Variants in CDH4 observed in about 807,000 individuals in gnomAD.
CDH4 encodes cadherin-4.
CDH4 carries 33 observed loss-of-function variants against 86.0 expected under a neutral mutation model. The ratio of observed to expected loss-of-function variants is 0.38; its 90% confidence interval spans 0.29 to 0.51. The LOEUF (loss-of-function observed/expected upper bound fraction) is 0.51. CDH4 is among the 20% of genes least tolerant of loss of function. The pLI is 0.86. For missense variants in CDH4, 1,114 were observed against 1,307.4 expected, an observed-to-expected ratio of 0.85 and a Z score of 2.28; for synonymous variants, 555 against 549.4, an observed-to-expected ratio of 1.01 and a Z score of -0.14.
intron 14 of CDH4, among the ~76,000 whole-genome samples, 153 bp downstream of exon 14, chr20:61,933,277 G>A (rs1202950820): frequency 1.3e-5 from 2 of 152,246 alleles, no homozygotes; most frequent in Non-Finnish European, 2.9e-5. Flanking sequence ...TTCCTAGCCT[G>A]GGCTGAGCTG....
At chr20:61,682,017 G>A (rs556082095) in intron 2 of CDH4, among the ~76,000 whole-genome samples, 3 of 152,338 alleles carry the variant, frequency 2.0e-5, no homozygotes, top group South Asian at 2.1e-4. Context: ...TGGCTTCAGT[G>A]CTAGCAGTTG....
At chr20:61,589,590 G>A (rs755938488) in intron 2 of CDH4, among the ~76,000 whole-genome samples, 1 of 152,134 alleles carries the variant, frequency 6.6e-6, no homozygotes, top group Non-Finnish European at 1.5e-5. Context: ...CCTTCACTCT[G>A]TGTTTGCTGA....
intron 2 of CDH4, among the ~76,000 whole-genome samples, chr20:61,413,878 A>C (rs2085133222): frequency 6.6e-6 from 1 of 152,198 alleles, no homozygotes; most frequent in South Asian, 2.1e-4. Context: ...AAAGACCCAC[A>C]GGCTGGGCAG....
intron 2 of CDH4, among the ~76,000 whole-genome samples, chr20:61,539,475 G>T (rs2086023134): frequency 6.6e-6 from 1 of 152,200 alleles, no homozygotes; most frequent in South Asian, 2.1e-4. Flanking sequence ...AGTCGTCCCT[G>T]TGTGTGTGTC....
chr20:61,299,829 G>T (rs1164217947), intron 2 of CDH4, among the ~76,000 whole-genome samples: 1 of 152,168 alleles, frequency 6.6e-6, no homozygotes, highest in Non-Finnish European at 1.5e-5. Context: ...GGCTATAAAA[G>T]TGTTAGGGCC....
intron 2 of CDH4, among the ~76,000 whole-genome samples, chr20:61,586,631 C>G (rs1391769815): frequency 6.6e-6 from 1 of 152,120 alleles, no homozygotes; most frequent in South Asian, 2.1e-4. Flanking sequence ...CTTTTGTAGA[C>G]AAAAAACTTG....
At chr20:61,696,981 A>G (rs1026291593) in intron 2 of CDH4, among the ~76,000 whole-genome samples, 2 of 152,194 alleles carry the variant, frequency 1.3e-5, no homozygotes, top group Admixed American at 6.5e-5. Context: ...TGCAGCCACA[A>G]GTAAGGAATG....
At chr20:61,924,221 CAG>C in intron 10 of CDH4, 111 bp from the exon 11 acceptor site, 1 of 1,091,014 alleles carries the variant, frequency 9.2e-7, no homozygotes, top group Non-Finnish European at 1.3e-6. Flanking sequence ...TCCAAGGAGA[CAG>C]AGACACTGGC....
chr20:61,409,803 T>G (rs890204844), intron 2 of CDH4, among the ~76,000 whole-genome samples: 2 of 152,262 alleles, frequency 1.3e-5, no homozygotes, highest in Admixed American at 6.5e-5. Flanking sequence ...CAAAGAAATA[T>G]GACAATAGGT....
Position 61,900,326 on chromosome 20 carries a change from GTGCAAGCCTCGGCCGCACA to G in CDH4, c.1188+5280_1188+5298del, listed in dbSNP as rs1985334828. 2.1e-4 allele frequency among the ~76,000 whole-genome samples: 3 copies of G among 14,578 alleles called. No homozygotes were observed. In the Non-Finnish European group the frequency reaches 3.0e-3, roughly 15 times the overall value. 9.6% of individuals were successfully genotyped at this position (14,578 alleles called of 152,430 possible). On this transcript the variant is annotated intron_variant, in intron 8 of 15. Transcript: ENST00000614565. ...GCCCTTAATTACGCTTGGGTGCACA[GTGCAAGCCTCGGCCGCACA>G]GTGCAAGCCTCGGCCATAAATCATT...
At chr20:61,358,050 G>A (rs189209984) in intron 2 of CDH4, among the ~76,000 whole-genome samples, 66 of 152,272 alleles carry the variant, frequency 4.3e-4, no homozygotes, top group East Asian at 1.4e-3. Flanking sequence ...GCAGTAGTGC[G>A]CTCCTTCCCT....
At chr20:61,648,116 G>A (rs886185158) in intron 2 of CDH4, among the ~76,000 whole-genome samples, 5 of 152,222 alleles carry the variant, frequency 3.3e-5, no homozygotes, top group Admixed American at 2.0e-4. Context: ...TCAGAGGAGC[G>A]CAGGTGCAGA....
chr20:61,683,493 G>T (rs974852694), intron 2 of CDH4, among the ~76,000 whole-genome samples: 7 of 152,192 alleles, frequency 4.6e-5, no homozygotes, highest in African/African-American at 1.7e-4. Context: ...GGTGCCCCGG[G>T]AGTGCGGCCC....
intron 2 of CDH4, among the ~76,000 whole-genome samples, chr20:61,585,890 G>A (rs1383955988): frequency 1.3e-5 from 2 of 151,788 alleles, no homozygotes; most frequent in Non-Finnish European, 2.9e-5. Flanking sequence ...TGATTATGAT[G>A]GTGATGGTGC....
At chr20:61,324,285 A>C (rs200462103) in intron 2 of CDH4, among the ~76,000 whole-genome samples, 2 of 152,094 alleles carry the variant, frequency 1.3e-5, no homozygotes, top group East Asian at 1.9e-4. Flanking sequence ...TTAAATTGAA[A>C]CTGATTGCAT....
rs1253437195 is a variant in CDH4 at position 61,773,167 on chromosome 20, G to A, written c.561G>A (p.Pro187=). ...NVPENSRGPF[P]QQLVRIRSDK... is the part of the protein sequence containing the mutation. The stretch of plus-strand genomic sequence containing the variant: ...CCGAGAACTCGCGCGGGCCCTTCCC[G>A]CAGCAGCTCGTGAGGGTGAGTGCAG... The change falls in exon 4 of 16, where the codon CCG becomes CCA. Residue 187 remains proline, a synonymous_variant. Transcript: ENST00000614565. 8.9e-6 allele frequency: 14 copies of A among 1,576,386 alleles called. No homozygotes were observed. The highest frequency in any genetic ancestry group is 1.3e-5 in the African/African-American group (1 of 74,494).
intron 2 of CDH4, among the ~76,000 whole-genome samples, chr20:61,382,373 G>A (rs2084907765): frequency 6.6e-6 from 1 of 152,150 alleles, no homozygotes; most frequent in South Asian, 2.1e-4. Context: ...ATGCCAAGAG[G>A]AAAGGTGGGT....
chr20:61,346,004 C>G (rs1473652245), intron 2 of CDH4, among the ~76,000 whole-genome samples: 2 of 152,196 alleles, frequency 1.3e-5, no homozygotes, highest in African/African-American at 4.8e-5. Flanking sequence ...TGGCACTCCC[C>G]TGGGAGAGGC....
chr20:61,780,193 A>G (rs1333860710), intron 4 of CDH4, among the ~76,000 whole-genome samples: 1 of 152,106 alleles, frequency 6.6e-6, no homozygotes. Flanking sequence ...CGTAGCTTCC[A>G]GACTGGCTCG....
Sources: gnomAD v4.1 joint callset for allele counts (sites outside exome capture counted in the v4.1 genomes callset) on GRCh38, gnomAD v4.1.1 for gene constraint, MANE v1.5 for transcripts, NCBI Gene and HGNC (gene_info 2026-07-23, HGNC 2026-07-21) for gene names.